Variants in SVIP observed in about 807,000 individuals in gnomAD.
The protein encoded by SVIP is small VCP/p97-interacting protein.
SVIP carries 14 observed loss-of-function variants against 12.9 expected under a neutral mutation model. The observed-to-expected ratio is 1.08, with a 90% CI of 0.72 to 1.70. The LOEUF (loss-of-function observed/expected upper bound fraction) is 1.70, where lower values mean the gene tolerates loss of function less well. SVIP is among the 40% of genes most tolerant of loss of function. SVIP has a pLI of 0.00. For synonymous variants in SVIP, 35 were observed against 33.3 expected, an observed-to-expected ratio of 1.05 and a Z score of -0.17; for missense variants, 93 against 90.8, an observed-to-expected ratio of 1.02 and a Z score of -0.10.
rs1187806668 is a variant in SVIP at position 22,824,465 on chromosome 11, T to C, written c.220-1332A>G. Among the ~76,000 whole-genome samples, 9 of 144,884 alleles carry C rather than the reference T, an allele frequency of 6.2e-5. No homozygotes were observed. In the South Asian group the frequency reaches 1.5e-3, roughly 25 times the overall value. On this transcript the variant is annotated intron_variant, in intron 3 of 3. Coordinates refer to ENST00000354193, the MANE Select transcript of SVIP (RefSeq NM_148893.3). ...ACACACATATATATATATATACACA[T>C]ATATATACGTATATATATATGTATA... is the stretch of plus-strand genomic sequence containing the variant.
At chr11:22,827,104 AT>A in intron 3 of SVIP, 102 bp downstream of exon 3, 3 of 884,282 alleles carry the variant, frequency 3.4e-6, no homozygotes, top group African/African-American at 1.7e-5. Context: ...CTATTTCAAA[AT>A]TTTCTGATAA....
In SVIP at chr11:22,819,969, T is replaced by TA. The variant is rs765016691; in HGVS notation, c.*3149dup. 1.3e-5 allele frequency: 2 copies of TA among 152,186 alleles called. No individual in the cohort carries two copies. Among genetic ancestry groups the TA allele is most frequent in the Non-Finnish European group, 2.9e-5 (2 of 68,040 alleles). The allele number at this position is 152,186 out of a possible 1,614,324, so 9.4% of individuals were successfully genotyped here. A position where few individuals can be genotyped will look rare whatever the true frequency, so the allele number is the denominator to read the frequency against. On this transcript the variant is annotated 3_prime_UTR_variant, in exon 4 of 4. Transcript: ENST00000354193. ...AAAAAGCCATATCAAATGGGAAACT[T>TA]AGTGTTTTGAGTTACTGGAACCAAA...
intron 3 of SVIP, 69 bp from the exon 4 acceptor site, chr11:22,823,202 C>A: frequency 1.7e-6 from 2 of 1,158,188 alleles, no homozygotes; most frequent in South Asian, 1.4e-5. Context: ...CTTCAGTGAA[C>A]AAACAGGTAA....
Position 22,829,681 on chromosome 11 carries a change from C to A in SVIP, c.54+14G>T, listed in dbSNP as rs767521650. 1.3e-6 allele frequency: 2 copies of A among 1,591,092 alleles called. No homozygotes were observed. Among genetic ancestry groups the A allele is most frequent in the South Asian group, 2.3e-5 (2 of 87,276 alleles). On this transcript the variant is annotated intron_variant, in intron 1 of 3. Transcript: ENST00000354193. ...AGGCGCGGCCCGGCGGACGCAGGGA[C>A]CTGCTCTACTCACCAGGTCCGGCGT...
At chr11:22,829,589 G>A in intron 1 of SVIP, 106 bp downstream of exon 1, 1 of 1,189,908 alleles carries the variant, frequency 8.4e-7, no homozygotes, top group Non-Finnish European at 1.2e-6. Context: ...GTCCCCCAGC[G>A]GGCTCTCGAC....
In SVIP at chr11:22,827,434, T is replaced by A. The variant is rs74318428; in HGVS notation, c.106-114A>T. On this transcript the variant is annotated intron_variant, in intron 2 of 3. Transcript: ENST00000354193. ...TTTTTCTTTGGGGGTAGGGAGTTGG[T>A]TTATTTTTGGTAACATAGAAGGAGT... 4,265 of 831,756 alleles carry A rather than the reference T, an allele frequency of 5.1e-3. 69 individuals carry two copies. Among genetic ancestry groups the A allele is most frequent in the East Asian group, 0.042 (1,613 of 38,154 alleles). The allele number at this position is 831,756 out of a possible 1,614,324, so 51.5% of individuals were successfully genotyped here.
In SVIP at chr11:22,822,954, C is replaced by G. The variant is rs866864819; in HGVS notation, c.*165G>C. 166 of 575,140 alleles carry G rather than the reference C, an allele frequency of 2.9e-4. 1 individual carries two copies. The highest frequency in any genetic ancestry group is 2.7e-3 in the Middle Eastern group (8 of 2,990). The allele number at this position is 575,140 out of a possible 1,614,324, so 35.6% of individuals were successfully genotyped here. A position where few individuals can be genotyped will look rare whatever the true frequency, so the allele number is the denominator to read the frequency against. The stretch of plus-strand genomic sequence containing the variant: ...ATTTAATGAAAAGTCTAGCCATTCT[C>G]TAAGCTTGAAAATCAACGTTTTTTT... On this transcript the variant is annotated 3_prime_UTR_variant, in exon 4 of 4. Transcript: ENST00000354193.
chr11:22,823,018 ATCT>A lies in SVIP; in HGVS notation c.*98_*100del. 1 of 1,059,140 alleles carries A rather than the reference ATCT, an allele frequency of 9.4e-7. No individual in the cohort carries two copies. The allele number at this position is 1,059,140 out of a possible 1,614,324, so 65.6% of individuals were successfully genotyped here. On this transcript the variant is annotated 3_prime_UTR_variant, in exon 4 of 4. Transcript: ENST00000354193. ...AGGGCAATAATATTACAAAGTCTGAATCTTCATTTACTCAAAGAGAAGAAATTA... is the reference window on the plus strand; with the variant it reads ...AGGGCAATAATATTACAAAGTCTGAATCATTTACTCAAAGAGAAGAAATTA...
At position 22,821,080 on chromosome 11, in the gene SVIP, A is replaced by G. The variant is rs1857465780; in HGVS notation, c.*2039T>C. On this transcript the variant is annotated 3_prime_UTR_variant, in exon 4 of 4. Transcript: ENST00000354193. ...GTGTGTATATACACACACATATATA[A>G]ATTAGAATTTGCAGATATTATGTGT... The G allele has an allele frequency of 6.7e-6, 1 of 148,498 alleles. No individual in the cohort carries two copies. The allele number at this position is 148,498 out of a possible 1,614,324, so 9.2% of individuals were successfully genotyped here. A position where few individuals can be genotyped will look rare whatever the true frequency, so the allele number is the denominator to read the frequency against.
intron 2 of SVIP, 73 bp downstream of exon 2, chr11:22,827,751 G>A (rs1019044604): frequency 7.3e-6 from 9 of 1,227,342 alleles, no homozygotes; most frequent in Middle Eastern, 1.9e-4. Context: ...AGAAAATCTA[G>A]CTATGGACAT....
intron 3 of SVIP, among the ~76,000 whole-genome samples, chr11:22,825,783 AATT>A (rs1857676055): frequency 6.6e-6 from 1 of 152,164 alleles, no homozygotes; most frequent in South Asian, 2.1e-4. Context: ...GTGTCTTCTT[AATT>A]ATGATTAAGT....
rs1857529518 is a variant in SVIP at position 22,822,768 on chromosome 11, A to G, written c.*351T>C. ...CAAATATAAGTAGTTAGATCATTTT[A>G]TAAAGGATGAAAAGACAACTGCGAA... On this transcript the variant is annotated 3_prime_UTR_variant, in exon 4 of 4. Coordinates refer to ENST00000354193, the MANE Select transcript of SVIP (RefSeq NM_148893.3). 5.2e-6 allele frequency: 1 copy of G among 191,636 alleles called. No individual in the cohort carries two copies. The highest frequency in any genetic ancestry group is 2.3e-5 in the African/African-American group (1 of 42,826). 11.9% of individuals were successfully genotyped at this position (191,636 alleles called of 1,614,324 possible). A position where few individuals can be genotyped will look rare whatever the true frequency, so the allele number is the denominator to read the frequency against.
chr11:22,826,703 C>T (rs1032213021), intron 3 of SVIP, among the ~76,000 whole-genome samples: 2 of 152,094 alleles, frequency 1.3e-5, no homozygotes, highest in African/African-American at 2.4e-5. Context: ...CACCTGTATA[C>T]ATTCTGTAAT....
At position 22,821,030 on chromosome 11, in the gene SVIP, C is replaced by T. The variant is rs981393612; in HGVS notation, c.*2089G>A. The T allele has an allele frequency of 1.3e-5, 2 of 150,020 alleles. No homozygotes were observed. The highest frequency in any genetic ancestry group is 3.0e-5 in the Non-Finnish European group (2 of 67,638). The allele number at this position is 150,020 out of a possible 1,614,324, so 9.3% of individuals were successfully genotyped here. A position where few individuals can be genotyped will look rare whatever the true frequency, so the allele number is the denominator to read the frequency against. On this transcript the variant is annotated 3_prime_UTR_variant, in exon 4 of 4. Transcript: ENST00000354193. ...TTATTTTATGAGGGAGATGTCTGGACGTATGTGTGTATGTGCATGTGTGTG... is the reference window on the plus strand; with the variant it reads ...TTATTTTATGAGGGAGATGTCTGGATGTATGTGTGTATGTGCATGTGTGTG...
Position 22,820,057 on chromosome 11 carries a change from GA to G in SVIP, c.*3061del, listed in dbSNP as rs1463646006. 1 of 152,050 alleles carries G rather than the reference GA, an allele frequency of 6.6e-6. No homozygotes were observed. Among genetic ancestry groups the G allele is most frequent in the East Asian group, 1.9e-4 (1 of 5,184 alleles). 9.4% of individuals were successfully genotyped at this position (152,050 alleles called of 1,614,324 possible). On this transcript the variant is annotated 3_prime_UTR_variant, in exon 4 of 4. Coordinates refer to ENST00000354193, the MANE Select transcript of SVIP (RefSeq NM_148893.3). ...GTCTGTAGCTTTTGAGAAAATTGAA[GA>G]AAAAAGCCACAATACTATATTTGAA...
rs1218967488 is a variant in SVIP, at chr11:22,822,283, G to C, written c.*836C>G. The C allele has an allele frequency of 6.6e-6, 1 of 151,898 alleles. No individual in the cohort carries two copies. The highest frequency in any genetic ancestry group is 2.1e-4 in the South Asian group (1 of 4,826). 9.4% of individuals were successfully genotyped at this position (151,898 alleles called of 1,614,324 possible). On this transcript the variant is annotated 3_prime_UTR_variant, in exon 4 of 4. Coordinates refer to ENST00000354193, the MANE Select transcript of SVIP (RefSeq NM_148893.3). ...AGTTTCACATCTGTATAAATCTTAT[G>C]ATCGTTCTCTAATAAGTACACAAGA...
At chr11:22,824,814 C>G (rs1162554599) in intron 3 of SVIP, among the ~76,000 whole-genome samples, 1 of 152,048 alleles carries the variant, frequency 6.6e-6, no homozygotes, top group Non-Finnish European at 1.5e-5. Flanking sequence ...ATGGCTAAAC[C>G]CTACTCTCAG....
intron 3 of SVIP, among the ~76,000 whole-genome samples, chr11:22,826,638 T>C (rs1857716377): frequency 6.6e-6 from 1 of 152,136 alleles, no homozygotes; most frequent in Non-Finnish European, 1.5e-5. Flanking sequence ...CACCATTATA[T>C]TCCCAGTGTC....
At chr11:22,828,207 C>T (rs1218721495) in intron 1 of SVIP, among the ~76,000 whole-genome samples, 1 of 152,096 alleles carries the variant, frequency 6.6e-6, no homozygotes, top group African/African-American at 2.4e-5. Context: ...TTTGTTACTG[C>T]CGGTTAAAAT....
Sources: gnomAD v4.1 joint callset for allele counts (sites outside exome capture counted in the v4.1 genomes callset) on GRCh38, gnomAD v4.1.1 for gene constraint, MANE v1.5 for transcripts, NCBI Gene and HGNC (gene_info 2026-07-23, HGNC 2026-07-21) for gene names.